Variants in F8 observed in about 807,000 individuals in gnomAD.
F8 encodes the protein coagulation factor VIII.
In F8, 12 loss-of-function variants were observed where a neutral mutation model predicts 140.6. The ratio of observed to expected loss-of-function variants is 0.09; its 90% CI spans 0.05 to 0.14. The LOEUF (loss-of-function observed/expected upper bound fraction) is 0.14, where lower values mean the gene tolerates loss of function less well. Ranked by LOEUF, F8 falls within the 10% of genes least tolerant of loss-of-function variation. F8 has a pLI of 1.00. For missense variants in F8, 1,354 were observed against 1,720.7 expected (o/e 0.79, Z 3.77); for synonymous variants, 585 against 614.6 (o/e 0.95, Z 0.71).
At chrX:155,018,288 G>A (rs2073744875) in intron 1 of F8, among the ~76,000 whole-genome samples, 1 of 112,045 alleles carries the variant, frequency 8.9e-6, no homozygotes, top group African/African-American at 3.2e-5. Context: ...AAGGTATATG[G>A]AGCTAGCATA....
intron 20 of F8, among the ~76,000 whole-genome samples, chrX:154,900,308 A>T (rs1181943614): frequency 9.0e-6 from 1 of 110,987 alleles, no homozygotes; most frequent in Non-Finnish European, 1.9e-5. Flanking sequence ...ATCTTGGCTC[A>T]CTGCAACCTC....
chrX:154,929,026 G>C lies in F8; in HGVS notation c.4764C>G (p.Asn1588Lys). The C allele has an allele frequency of 8.3e-7, 1 of 1,211,059 alleles. No individual in the cohort carries two copies. The highest frequency in any genetic ancestry group is 1.1e-6 in the Non-Finnish European group (1 of 895,114). ...SKLLDPLAWD[N>K]HYGTQIPKEE... ...CTTTTGGTATCTGAGTACCATAGTG[G>C]TTATCCCAAGCAAGAGGATCCAATA... The change falls in exon 14 of 26, where the codon AAC becomes AAG. Residue 1588 changes from asparagine (N) to lysine (K), a missense_variant. Physicochemically the swap from Asn to Lys is moderately conservative, Grantham distance 94. Transcript: ENST00000360256.
chrX:154,905,347 T>C (rs1227150228), intron 15 of F8, among the ~76,000 whole-genome samples: 1 of 111,632 alleles, frequency 9.0e-6, no homozygotes, highest in Non-Finnish European at 1.9e-5. Context: ...GATATGTAAG[T>C]TAAGGTTCTT....
At chrX:154,881,575 A>G (rs1339750563) in intron 22 of F8, among the ~76,000 whole-genome samples, 1 of 111,631 alleles carries the variant, frequency 9.0e-6, no homozygotes, top group African/African-American at 3.3e-5. Context: ...ATATTAACAG[A>G]ATGCATGGCG....
chrX:154,931,338 T>A lies in F8; in HGVS notation c.2452A>T (p.Thr818Ser). Reference protein sequence around the residue: ...DLLMLLRQSPTPHGLSLSDLQ... With the variant: ...DLLMLLRQSPSPHGLSLSDLQ... ...TCAGATAAGGATAGCCCATGTGGAG[T>A]AGGACTCTGTCGCAAGAGCATCAAC... The change falls in exon 14 of 26, where the codon ACT becomes TCT. Residue 818 changes from threonine to serine, a missense_variant. Physicochemically the swap from Thr to Ser is moderately conservative, Grantham distance 58 (BLOSUM62 1). This residue lies in a region of F8 where 658 missense variants were observed against 666.5 expected (regional missense o/e 0.99). Coordinates refer to ENST00000360256, the MANE Select transcript of F8 (RefSeq NM_000132.4). The A allele has an allele frequency of 8.3e-7, 1 of 1,209,967 alleles. No individual in the cohort carries two copies. Among genetic ancestry groups the A allele is most frequent in the Non-Finnish European group, 1.1e-6 (1 of 894,007 alleles).
chrX:154,895,323 T>C (rs782122008), intron 22 of F8, among the ~76,000 whole-genome samples: 24 of 112,134 alleles, frequency 2.1e-4, no homozygotes, highest in Admixed American at 3.8e-4. Flanking sequence ...TTGGGGTCAT[T>C]TGAAGACTTT....
At chrX:155,007,336 G>T (rs1603437118) in intron 1 of F8, among the ~76,000 whole-genome samples, 1 of 112,781 alleles carries the variant, frequency 8.9e-6, no homozygotes, top group Non-Finnish European at 1.9e-5. Context: ...CATGAGCTAA[G>T]TGGCTACAGC....
chrX:154,955,317 A>ATTTT (rs34537569), intron 11 of F8, among the ~76,000 whole-genome samples: 160 of 66,869 alleles, frequency 2.4e-3, no homozygotes, highest in African/African-American at 8.0e-3. Context: ...TGCCCAGCTA[A>ATTTT]TTTTTTTTTT....
intron 1 of F8, among the ~76,000 whole-genome samples, chrX:155,014,442 T>C (rs1557286883): frequency 9.1e-6 from 1 of 110,013 alleles, no homozygotes; most frequent in South Asian, 3.8e-4. Flanking sequence ...CAGTAAGGCA[T>C]GAAAAAAAAA....
At chrX:154,982,313 G>T (rs1302503270) in intron 6 of F8, among the ~76,000 whole-genome samples, 1 of 106,413 alleles carries the variant, frequency 9.4e-6, no homozygotes, top group African/African-American at 3.4e-5. Context: ...CAGTCGAGGT[G>T]GCGGGCGCCT....
intron 22 of F8, among the ~76,000 whole-genome samples, chrX:154,864,116 C>T (rs782558625): frequency 8.9e-6 from 1 of 112,621 alleles, no homozygotes; most frequent in Non-Finnish European, 1.9e-5. Flanking sequence ...TGTGAGCCAA[C>T]TCCAGTCTTG....
At chrX:154,922,581 T>C (rs782566103) in intron 14 of F8, among the ~76,000 whole-genome samples, 1 of 112,206 alleles carries the variant, frequency 8.9e-6, no homozygotes, top group South Asian at 3.7e-4. Context: ...GGAGCAATAT[T>C]TACATACAGT....
chrX:154,959,631 T>C (rs1402148019), intron 10 of F8, among the ~76,000 whole-genome samples: 2 of 111,834 alleles, frequency 1.8e-5, no homozygotes, highest in South Asian at 3.7e-4. Flanking sequence ...TTATGCCTCC[T>C]ATCTAGCTGG....
chrX:154,855,810 C>T (rs1488075708), intron 25 of F8, among the ~76,000 whole-genome samples: 2 of 110,987 alleles, frequency 1.8e-5, no homozygotes, highest in Admixed American at 9.7e-5. Context: ...TCCCAGCAGG[C>T]GAGGTGAGGT....
chrX:154,881,007 T>C (rs781835301), intron 22 of F8, among the ~76,000 whole-genome samples: 1 of 102,097 alleles, frequency 9.8e-6, no homozygotes, highest in African/African-American at 3.8e-5. Flanking sequence ...CCTAGTCTTA[T>C]CTACCAATGC....
At chrX:154,906,974 A>G (rs1286338600) in intron 14 of F8, among the ~76,000 whole-genome samples, 3 of 112,260 alleles carry the variant, frequency 2.7e-5, no homozygotes, top group South Asian at 7.3e-4. Flanking sequence ...AACATATACA[A>G]TAAAGTGCAT....
chrX:155,018,068 A>G (rs2073743796), intron 1 of F8, among the ~76,000 whole-genome samples: 1 of 104,589 alleles, frequency 9.6e-6, no homozygotes, highest in Non-Finnish European at 2.0e-5. Flanking sequence ...GAGTTTTGCC[A>G]TGTTGGCTAG....
chrX:154,999,348 T>C lies in F8; in HGVS notation c.265+131A>G, dbSNP rs919930604. 1.8e-4 allele frequency: 130 copies of C among 721,270 alleles called. 1 individual carries two copies. Among genetic ancestry groups the C allele is most frequent in the Non-Finnish European group, 2.0e-4 (96 of 482,599 alleles). The allele number at this position is 721,270 out of a possible 1,213,427, so 59.4% of individuals were successfully genotyped here. ...AGAAAATGCAGTCAGTGTATTTCCC[T>C]ATAGGTAGCAGTTAGGGAAACATTC... On this transcript the variant is annotated intron_variant, in intron 2 of 25. Coordinates refer to ENST00000360256, the MANE Select transcript of F8 (RefSeq NM_000132.4).
At chrX:154,950,276 G>A (rs1222903324) in intron 12 of F8, among the ~76,000 whole-genome samples, 1 of 112,211 alleles carries the variant, frequency 8.9e-6, no homozygotes, top group Admixed American at 9.4e-5. Context: ...TGAGTCAATA[G>A]GGTATGCCGA....
Sources: gnomAD v4.1 joint callset for allele counts (sites outside exome capture counted in the v4.1 genomes callset) on GRCh38, gnomAD v4.1.1 for gene constraint, gnomAD v4.1.1 regional missense constraint, MANE v1.5 for transcripts, NCBI Gene and HGNC (gene_info 2026-07-23, HGNC 2026-07-21) for gene names.